SLC44A2: variants seen among roughly 807,000 people sequenced by gnomAD.
SLC44A2 encodes the protein choline transporter-like protein 2.
Under a neutral mutation model 90.8 loss-of-function variants are expected in SLC44A2, and 57 were observed. The observed-to-expected ratio is 0.63, with a 90% CI of 0.51 to 0.78. The LOEUF (loss-of-function observed/expected upper bound fraction) is 0.78. Ranked by LOEUF, SLC44A2 falls within the 30% of genes least tolerant of loss-of-function variation. The pLI is 0.00. For synonymous variants in SLC44A2, 355 were observed against 360.7 expected, an observed-to-expected ratio of 0.98 and a Z score of 0.18; for missense variants, 794 against 919.7, an observed-to-expected ratio of 0.86 and a Z score of 1.77.
intron 2 of SLC44A2, among the ~76,000 whole-genome samples, chr19:10,627,118 C>T (rs1360874765): frequency 6.6e-5 from 10 of 152,044 alleles, no homozygotes; most frequent in African/African-American, 1.4e-4. Context: ...GTTAGGAGTT[C>T]GAGACCAGCC....
chr19:10,640,042 AGTAATCT>A (rs2067098557), intron 20 of SLC44A2, among the ~76,000 whole-genome samples: 1 of 149,714 alleles, frequency 6.7e-6, no homozygotes, highest in African/African-American at 2.5e-5. Flanking sequence ...GATGAGTAAG[AGTAATCT>A]TGGGCAAATT....
At chr19:10,620,354 G>A (rs902622640) in intron 1 of SLC44A2, among the ~76,000 whole-genome samples, 2 of 151,896 alleles carry the variant, frequency 1.3e-5, no homozygotes, top group East Asian at 1.9e-4. Flanking sequence ...AGTGGTGTGC[G>A]CCTGTAATTC....
chr19:10,618,535 A>T (rs1186236647), intron 1 of SLC44A2, among the ~76,000 whole-genome samples: 2 of 130,888 alleles, frequency 1.5e-5, no homozygotes, highest in Non-Finnish European at 3.1e-5. Context: ...GCTGGAGTGC[A>T]GTGGCGCCAT....
At position 10,642,868 on chromosome 19, in the gene SLC44A2, C is replaced by A. The variant is rs553643112; in HGVS notation, c.2015-411C>A. On this transcript the variant is annotated intron_variant, in intron 21 of 21. Transcript: ENST00000335757. ...CCTCCCTTCCCGACCACCCCATTTT[C>A]CCCCTGCCGGTTCCCGGGGGGAGCC... 3.2e-6 allele frequency: 5 copies of A among 1,556,146 alleles called. No individual in the cohort carries two copies. The African/African-American group carries it at 4.1e-5, about 13-fold the overall frequency.
intron 1 of SLC44A2, among the ~76,000 whole-genome samples, chr19:10,607,981 G>A (rs558193442): frequency 5.2e-5 from 7 of 134,030 alleles, no homozygotes; most frequent in South Asian, 2.3e-4. Flanking sequence ...TCCTGACCTC[G>A]TGATCCGCCC....
chr19:10,616,402 T>C (rs2066855516), intron 1 of SLC44A2, among the ~76,000 whole-genome samples: 1 of 151,936 alleles, frequency 6.6e-6, no homozygotes, highest in Admixed American at 6.6e-5. Flanking sequence ...AGTTAATTTT[T>C]GTTTTTTTGT....
intron 1 of SLC44A2, 137 bp downstream of exon 1, chr19:10,625,807 A>G (rs2066927156): frequency 1.3e-6 from 1 of 756,074 alleles, no homozygotes; most frequent in South Asian, 5.8e-5. Flanking sequence ...CCTCCCCACC[A>G]TCAGCCAGGC....
chr19:10,643,571 G>A lies in SLC44A2; in HGVS notation c.*186G>A. 3.1e-6 allele frequency: 2 copies of A among 647,438 alleles called. No individual in the cohort carries two copies. The highest frequency in any genetic ancestry group is 3.2e-5 in the East Asian group (1 of 30,786). The allele number at this position is 647,438 out of a possible 1,614,324, so 40.1% of individuals were successfully genotyped here. On this transcript the variant is annotated 3_prime_UTR_variant, in exon 22 of 22. Transcript: ENST00000335757. ...GGGCATCTCCTTCTTATGCCAAGGG[G>A]CGCTTGGAGTTTTCATGGCTGCCCC... is the stretch of plus-strand genomic sequence containing the variant.
Position 10,627,914 on chromosome 19 carries a change from C to A in SLC44A2, c.161-6C>A. 1 of 1,613,948 alleles carries A rather than the reference C, an allele frequency of 6.2e-7. No individual in the cohort carries two copies. Among genetic ancestry groups the A allele is most frequent in the Non-Finnish European group, 8.5e-7 (1 of 1,179,938 alleles). ...AGTGTCTCAGTATCCCTGGATCTTTCCACAGCCTGGACTCATGGAGACCCT... is the reference window on the plus strand; with the variant it reads ...AGTGTCTCAGTATCCCTGGATCTTTACACAGCCTGGACTCATGGAGACCCT... On this transcript the variant is annotated splice_region_variant and splice_polypyrimidine_tract_variant and intron_variant, in intron 3 of 21. Coordinates refer to ENST00000335757, the MANE Select transcript of SLC44A2 (RefSeq NM_020428.4).
At chr19:10,634,280 G>A (rs551790791) in intron 10 of SLC44A2, among the ~76,000 whole-genome samples, 53 of 148,888 alleles carry the variant, frequency 3.6e-4, no homozygotes, top group Admixed American at 1.1e-3. Flanking sequence ...GAGCCACCGC[G>A]CCCGGCCAAC....
chr19:10,633,453 C>T (rs920626672), intron 10 of SLC44A2, among the ~76,000 whole-genome samples: 1 of 151,412 alleles, frequency 6.6e-6, no homozygotes, highest in Non-Finnish European at 1.5e-5. Context: ...AGCCACCGCG[C>T]CCAGCCTTGA....
chr19:10,626,943 G>A lies in SLC44A2; in HGVS notation c.86+642G>A, dbSNP rs564776030. ...GAGAATTGCTTGAATCTGGGAGGTG[G>A]AGGTTGCAGTAAGCTGAGATTGCGC... On this transcript the variant is annotated intron_variant, in intron 2 of 21. Coordinates refer to ENST00000335757, the MANE Select transcript of SLC44A2 (RefSeq NM_020428.4). Among the ~76,000 whole-genome samples, 8 of 150,420 alleles carry A rather than the reference G, an allele frequency of 5.3e-5. No homozygotes were observed. In the South Asian group the frequency reaches 1.3e-3, roughly 25 times the overall value.
At chr19:10,635,741 T>G in intron 14 of SLC44A2, 2 of 441,770 alleles carry the variant, frequency 4.5e-6, no homozygotes, top group Non-Finnish European at 8.0e-6. Flanking sequence ...GCCTTCACCC[T>G]GGGTGCTAAA....
rs544720803 is a variant in SLC44A2, at chr19:10,628,151, G to A, written c.245+147G>A. The stretch of plus-strand genomic sequence containing the variant: ...CGAAATTCCAACACTTTGGGAGGCC[G>A]AGGCAGGAATATTGCTTTAGGCTAG... On this transcript the variant is annotated intron_variant, in intron 4 of 21. Transcript: ENST00000335757. 583 of 718,020 alleles carry A rather than the reference G, an allele frequency of 8.1e-4. 6 individuals are homozygous for A. Among genetic ancestry groups the A allele is most frequent in the South Asian group, 3.9e-3 (227 of 58,834 alleles). 44.5% of individuals were successfully genotyped at this position (718,020 alleles called of 1,614,324 possible). A position where few individuals can be genotyped will look rare whatever the true frequency, so the allele number is the denominator to read the frequency against.
At chr19:10,611,473 T>C (rs930628850) in intron 1 of SLC44A2, among the ~76,000 whole-genome samples, 3 of 150,878 alleles carry the variant, frequency 2.0e-5, no homozygotes, top group Non-Finnish European at 3.0e-5. Context: ...AATAAATAAA[T>C]AAACAAACAA....
chr19:10,631,005 CAAAA>C, intron 4 of SLC44A2, 48 bp from the exon 5 acceptor site: 2 of 1,213,788 alleles, frequency 1.6e-6, no homozygotes, highest in African/African-American at 1.6e-5. Flanking sequence ...GACTCTGTCT[CAAAA>C]AAAAAAAAAA....
chr19:10,607,728 A>G (rs1008513444), intron 1 of SLC44A2, among the ~76,000 whole-genome samples: 8 of 148,048 alleles, frequency 5.4e-5, no homozygotes, highest in Admixed American at 4.8e-4. Flanking sequence ...AGCTTCCTCA[A>G]TCATTTATTA....
In SLC44A2 at chr19:10,643,311, G is replaced by T. The variant is rs752432975; in HGVS notation, c.2047G>T (p.Glu683Ter). 3.1e-6 allele frequency: 5 copies of T among 1,610,232 alleles called. No individual in the cohort carries two copies. The South Asian group carries it at 4.4e-5, about 14-fold the overall frequency. The change falls in exon 22 of 22, where the codon GAG becomes TAG. Residue 683 changes from glutamate to a stop codon, truncating the protein, a stop_gained. Coordinates refer to ENST00000335757, the MANE Select transcript of SLC44A2 (RefSeq NM_020428.4). LOFTEE classifies it high-confidence loss of function. ...CCTGGAGAGGAATGACGGCTCGGCC[G>T]AGAGGCCTTACTTCATGTCTTCCAC... Reference protein sequence around the residue: ...EDLERNDGSAERPYFMSSTLK... With the variant: ...EDLERNDGSA
upstream of SLC44A2, among the ~76,000 whole-genome samples, chr19:10,624,780 C>A (rs1049039457): frequency 1.2e-4 from 19 of 152,340 alleles, no homozygotes; most frequent in African/African-American, 4.6e-4. Flanking sequence ...TTGGGTCTCT[C>A]TGGTTCCTCA....
Sources: gnomAD v4.1 joint callset for allele counts (sites outside exome capture counted in the v4.1 genomes callset) on GRCh38, gnomAD v4.1.1 for gene constraint, MANE v1.5 for transcripts, NCBI Gene and HGNC (gene_info 2026-07-23, HGNC 2026-07-21) for gene names.